The following RAB8A variants were observed in gnomAD, a reference collection of about 807,000 sequenced individuals.
RAB8A encodes ras-related protein Rab-8A.
A neutral mutation model predicts 29.2 loss-of-function variants in RAB8A; 5 were observed. The observed-to-expected ratio is 0.17, with a 90% CI of 0.09 to 0.36. The LOEUF (loss-of-function observed/expected upper bound fraction) is 0.36. Ranked by LOEUF, RAB8A falls within the 10% of genes least tolerant of loss-of-function variation. The pLI, the probability that RAB8A is intolerant of heterozygous loss-of-function variation, is 1.00. For synonymous variants in RAB8A, 108 were observed against 99.9 expected, an observed-to-expected ratio of 1.08 and a Z score of -0.49; for missense variants, 171 against 272.2, an observed-to-expected ratio of 0.63 and a Z score of 2.62.
intron 1 of RAB8A, among the ~76,000 whole-genome samples, chr19:16,115,103 C>CAGT (rs2090840727): frequency 6.6e-6 from 1 of 152,102 alleles, no homozygotes; most frequent in Non-Finnish European, 1.5e-5. Flanking sequence ...AGTCCTGAAG[C>CAGT]AGTATCACCT....
intron 6 of RAB8A, 49 bp from the exon 7 acceptor site, chr19:16,129,505 G>A (rs2090916159): frequency 1.3e-6 from 2 of 1,588,568 alleles, no homozygotes; most frequent in Non-Finnish European, 1.7e-6. Flanking sequence ...GGCGGCTGAG[G>A]ACTCAGGGTC....
At chr19:16,115,945 A>G (rs1026687853) in intron 1 of RAB8A, among the ~76,000 whole-genome samples, 8 of 152,158 alleles carry the variant, frequency 5.3e-5, no homozygotes, top group Non-Finnish European at 1.2e-4. Flanking sequence ...CACTTGAACA[A>G]ACTCCTGGTG....
chr19:16,128,512 C>T (rs909655391), intron 6 of RAB8A, among the ~76,000 whole-genome samples: 12 of 152,192 alleles, frequency 7.9e-5, no homozygotes, highest in Admixed American at 1.3e-4. Context: ...CCACCCTCCC[C>T]TCTCCACGGG....
rs1043407 is a variant in RAB8A at position 16,133,416 on chromosome 19, G to T, written c.*1112G>T. 6 of 151,934 alleles carry T rather than the reference G, an allele frequency of 3.9e-5. No homozygotes were observed. Among genetic ancestry groups the T allele is most frequent in the African/African-American group, 1.2e-4 (5 of 41,330 alleles). The allele number at this position is 151,934 out of a possible 1,614,324, so 9.4% of individuals were successfully genotyped here. ...CTGCGACTGGGACCAGGTCAACCACGCCAGGGGGGTGTCACCAGCCTTTTC... is the reference window on the plus strand; with the variant it reads ...CTGCGACTGGGACCAGGTCAACCACTCCAGGGGGGTGTCACCAGCCTTTTC... On this transcript the variant is annotated 3_prime_UTR_variant, in exon 8 of 8. Coordinates refer to ENST00000300935, the MANE Select transcript of RAB8A (RefSeq NM_005370.5).
At chr19:16,131,515 GTTGA>G (rs367777856) in intron 7 of RAB8A, among the ~76,000 whole-genome samples, 252 of 151,806 alleles carry the variant, frequency 1.7e-3, no homozygotes, top group African/African-American at 5.6e-3. Flanking sequence ...TGGATGGATG[GTTGA>G]TTGGTCAGAA....
chr19:16,118,352 C>T, intron 2 of RAB8A, 66 bp downstream of exon 2: 1 of 1,437,152 alleles, frequency 7.0e-7, no homozygotes, highest in Non-Finnish European at 9.7e-7. Flanking sequence ...AGCCCTTGGC[C>T]TTCTCCCTCC....
intron 2 of RAB8A, among the ~76,000 whole-genome samples, chr19:16,120,940 G>A (rs1332027116): frequency 1.6e-5 from 2 of 121,524 alleles, no homozygotes; most frequent in Non-Finnish European, 3.4e-5. Context: ...TTTTTGAGAC[G>A]GAGTCTTGCT....
chr19:16,112,420 C>T (rs908495871), intron 1 of RAB8A: 6 of 215,064 alleles, frequency 2.8e-5, no homozygotes, highest in South Asian at 6.3e-5. Flanking sequence ...ACAGTGGCAT[C>T]TCACCTTAAT....
Position 16,122,889 on chromosome 19 carries a change from G to A in RAB8A, c.246+1079G>A. Among the ~76,000 whole-genome samples the A allele has an allele frequency of 6.6e-6, 1 of 152,144 alleles. No homozygotes were observed. Among genetic ancestry groups the A allele is most frequent in the East Asian group, 1.9e-4 (1 of 5,196 alleles). ...TGGAGGGTGGGCAGGCGGCCTGAGG[G>A]CACTGGGGTCTTGGGGAGCTTCAGC... is the stretch of plus-strand genomic sequence containing the variant. On this transcript the variant is annotated intron_variant, in intron 3 of 7. Transcript: ENST00000300935. This position sits in a 1 kb window ranked among gnomAD's most constrained non-coding sequence, Gnocchi z 4.7.
At position 16,129,702 on chromosome 19, in the gene RAB8A, A is replaced by G. The variant is rs375583594; in HGVS notation, c.531+98A>G. The G allele has an allele frequency of 5.7e-6, 7 of 1,236,158 alleles. No individual in the cohort carries two copies. In the African/African-American group the frequency reaches 1.0e-4, roughly 18 times the overall value. 76.6% of individuals were successfully genotyped at this position (1,236,158 alleles called of 1,614,324 possible). Reference sequence around the variant, plus strand: ...TGACGTGCCCTAGATCCTGCTTTTTAGGGCCCAGCCAGACCCCATGGGACA... The same window carrying G: ...TGACGTGCCCTAGATCCTGCTTTTTGGGGCCCAGCCAGACCCCATGGGACA... On this transcript the variant is annotated intron_variant, in intron 7 of 7. Coordinates refer to ENST00000300935, the MANE Select transcript of RAB8A (RefSeq NM_005370.5).
At chr19:16,119,234 T>G (rs1008565103) in intron 2 of RAB8A, among the ~76,000 whole-genome samples, 8 of 151,630 alleles carry the variant, frequency 5.3e-5, no homozygotes, top group Non-Finnish European at 1.2e-4. Context: ...AGACGGAGTT[T>G]CGCTCTTGTC....
In RAB8A at chr19:16,125,545, G is replaced by C. The variant is rs750406773; in HGVS notation, c.322G>C (p.Glu108Gln). 2 of 1,612,778 alleles carry C rather than the reference G, an allele frequency of 1.2e-6. No homozygotes were observed. Among genetic ancestry groups the C allele is most frequent in the East Asian group, 2.2e-5 (1 of 44,876 alleles). ...CCGGAACTGGATTCGCAACATTGAG[G>C]AGGTGAGGCCCTCCGGCTCCTCCCA... Reference protein sequence around the residue: ...NIRNWIRNIEEHASADVEKMI... With the variant: ...NIRNWIRNIEQHASADVEKMI... Residue 108 changes from glutamate to glutamine, a missense_variant and splice_region_variant, in exon 4 of 8, where the codon GAG becomes CAG. Glu to Gln is a conservative substitution (Grantham distance 29). This residue lies in a region of RAB8A where 145 missense variants were observed against 212.8 expected (regional missense o/e 0.68). Coordinates refer to ENST00000300935, the MANE Select transcript of RAB8A (RefSeq NM_005370.5). This position sits in a 1 kb window ranked among gnomAD's most constrained non-coding sequence, Gnocchi z 5.0.
At chr19:16,128,115 G>C (rs768909568) in intron 6 of RAB8A, 24 bp downstream of exon 6, 2 of 1,610,538 alleles carry the variant, frequency 1.2e-6, no homozygotes, top group Admixed American at 3.3e-5. Context: ...CCTGCTGGGA[G>C]ACATGGGGCC....
chr19:16,123,259 A>T (rs573704987), intron 3 of RAB8A, among the ~76,000 whole-genome samples: 1 of 152,316 alleles, frequency 6.6e-6, no homozygotes, highest in Admixed American at 6.5e-5. Context: ...ACCCAGGCCA[A>T]CCTGAACAGA....
chr19:16,132,065 T>G lies in RAB8A; in HGVS notation c.532-147T>G. 2 of 659,890 alleles carry G rather than the reference T, an allele frequency of 3.0e-6. No individual in the cohort carries two copies. The allele number at this position is 659,890 out of a possible 1,614,324, so 40.9% of individuals were successfully genotyped here. The stretch of plus-strand genomic sequence containing the variant: ...TAGTTGGTTGGTTTGGCTGGTTTGA[T>G]TGGTTTGGTTGTTTGGTTGGTTGGT... On this transcript the variant is annotated intron_variant, in intron 7 of 7. Transcript: ENST00000300935. The surrounding 1 kb of genome is among the most constrained non-coding windows in gnomAD (Gnocchi z 5.6).
intron 2 of RAB8A, among the ~76,000 whole-genome samples, chr19:16,120,750 A>G (rs1354782268): frequency 1.3e-5 from 2 of 151,740 alleles, no homozygotes; most frequent in African/African-American, 4.8e-5. Context: ...AGCTGGGACT[A>G]CAGATCCACG....
rs2090938217 is a variant in RAB8A, at chr19:16,133,357, G to A, written c.*1053G>A. The A allele has an allele frequency of 1.3e-5, 2 of 152,300 alleles. No individual in the cohort carries two copies. The highest frequency in any genetic ancestry group is 4.8e-5 in the African/African-American group (2 of 41,426). The allele number at this position is 152,300 out of a possible 1,614,324, so 9.4% of individuals were successfully genotyped here. On this transcript the variant is annotated 3_prime_UTR_variant, in exon 8 of 8. Transcript: ENST00000300935. ...CTTGATTTTCAGCCGTCATCATTGG[G>A]TTCTGTTTTGACAGCTCTGCTGTCC...
At chr19:16,128,206 A>G (rs1433233578) in intron 6 of RAB8A, 115 bp downstream of exon 6, 1 of 1,104,994 alleles carries the variant, frequency 9.0e-7, no homozygotes, top group Non-Finnish European at 1.3e-6. Context: ...CCTCGGGCTC[A>G]GGGCTGCCAG....
chr19:16,121,088 T>C (rs1159303738), intron 2 of RAB8A, among the ~76,000 whole-genome samples: 1 of 151,716 alleles, frequency 6.6e-6, no homozygotes, highest in Non-Finnish European at 1.5e-5. Context: ...GGCTAATTTT[T>C]GTATTTTTTG....
Sources: gnomAD v4.1 joint callset for allele counts (sites outside exome capture counted in the v4.1 genomes callset) on GRCh38, gnomAD v4.1.1 for gene constraint, gnomAD v4.1.1 regional missense constraint, Gnocchi (gnomAD v3.1) non-coding constraint, MANE v1.5 for transcripts, NCBI Gene and HGNC (gene_info 2026-07-23, HGNC 2026-07-21) for gene names.